The following GBE1 variants were observed in gnomAD, a reference collection of about 807,000 sequenced individuals.
The protein encoded by GBE1 is 1,4-alpha-glucan branching enzyme 1, also known as 1,4-alpha-glucan-branching enzyme.
In GBE1, 70 loss-of-function variants were observed where a neutral mutation model predicts 88.8. That is an observed-to-expected ratio of 0.79 (90% confidence interval 0.65 to 0.96). GBE1 has a LOEUF of 0.96. Among genes scored for constraint, GBE1 ranks in the 40% least tolerant of loss-of-function variants. The pLI, the probability that GBE1 is intolerant of heterozygous loss-of-function variation, is 0.00. For synonymous variants in GBE1, 284 were observed against 300.1 expected (o/e 0.95, Z 0.56); for missense variants, 872 against 871.0 (o/e 1.00, Z -0.01).
chr3:81,556,174 G>A (rs1353873319), intron 12 of GBE1, among the ~76,000 whole-genome samples: 2 of 151,952 alleles, frequency 1.3e-5, no homozygotes, highest in Admixed American at 1.3e-4. Context: ...TAGTGCAGAA[G>A]GAGACTTAAA....
At chr3:81,669,131 T>C (rs1426423822) in intron 3 of GBE1, among the ~76,000 whole-genome samples, 2 of 152,148 alleles carry the variant, frequency 1.3e-5, no homozygotes, top group Non-Finnish European at 2.9e-5. Flanking sequence ...CCACTATGAT[T>C]GGGAACTTTC....
chr3:81,646,409 G>T lies in GBE1; in HGVS notation c.765C>A (p.Ser255Arg). The T allele has an allele frequency of 6.2e-7, 1 of 1,601,182 alleles. No homozygotes were observed. Among genetic ancestry groups the T allele is most frequent in the Non-Finnish European group, 8.5e-7 (1 of 1,173,520 alleles). Residue 255 changes from serine (S) to arginine (R), a missense_variant, in exon 6 of 16, where the codon AGC becomes AGA. Transcript: ENST00000429644. ...GATTTTACCTGGAAGCTGCAAAGAAGCTTGTGATTTGGTAACCAAAGCTGG... is the reference window on the plus strand; with the variant it reads ...GATTTTACCTGGAAGCTGCAAAGAATCTTGTGATTTGGTAACCAAAGCTGG... ...YYASFGYQIT[S>R]FFAASSRYGT...
At chr3:81,577,717 T>C (rs1703667069) in intron 12 of GBE1, among the ~76,000 whole-genome samples, 1 of 152,212 alleles carries the variant, frequency 6.6e-6, no homozygotes, top group Admixed American at 6.5e-5. Context: ...TATCAGCTTT[T>C]AGACTATACT....
intron 2 of GBE1, among the ~76,000 whole-genome samples, chr3:81,697,359 G>A (rs1035484075): frequency 6.6e-6 from 1 of 151,584 alleles, no homozygotes; most frequent in Admixed American, 6.6e-5. Flanking sequence ...GAGTGCAGGG[G>A]TGTGATCTCG....
At chr3:81,541,158 C>T (rs943366188) in intron 12 of GBE1, among the ~76,000 whole-genome samples, 3 of 151,910 alleles carry the variant, frequency 2.0e-5, no homozygotes, top group Non-Finnish European at 2.9e-5. Context: ...AGTATCTTGA[C>T]TTTGTAGTGG....
At chr3:81,737,366 T>TA (rs1706276990) in intron 1 of GBE1, among the ~76,000 whole-genome samples, 2 of 31,590 alleles carry the variant, frequency 6.3e-5, no homozygotes, top group Non-Finnish European at 1.3e-4. Flanking sequence ...TATTTATATA[T>TA]TTATATATAT....
At chr3:81,711,699 A>T (rs937309815) in intron 1 of GBE1, among the ~76,000 whole-genome samples, 4 of 152,134 alleles carry the variant, frequency 2.6e-5, no homozygotes, top group African/African-American at 7.2e-5. Flanking sequence ...AACCATAAAA[A>T]CCCTAGAAGA....
At chr3:81,644,607 G>C (rs1452670367) in intron 6 of GBE1, among the ~76,000 whole-genome samples, 1 of 152,078 alleles carries the variant, frequency 6.6e-6, no homozygotes, top group African/African-American at 2.4e-5. Context: ...AAGGAGACAG[G>C]GATTCATTAC....
chr3:81,536,935 T>C lies in GBE1; in HGVS notation c.1779A>G (p.Arg593=), dbSNP rs751820075. 1 of 1,584,248 alleles carries C rather than the reference T, an allele frequency of 6.3e-7. No individual in the cohort carries two copies. Among genetic ancestry groups the C allele is most frequent in the East Asian group, 2.4e-5 (1 of 42,238 alleles). Reference sequence around the variant, plus strand: ...CCTGTGGAGCTGCAAGCCAACCATATCTTTCTTCCAATCTATTCATATCCC... The same window carrying C: ...CCTGTGGAGCTGCAAGCCAACCATACCTTTCTTCCAATCTATTCATATCCC... ...FDRDMNRLEE[R]YGWLAAPQAY... The change falls in exon 13 of 16, where the codon AGA becomes AGG. Residue 593 remains arginine, a synonymous_variant. Transcript: ENST00000429644.
In GBE1 at chr3:81,607,299, C is replaced by G. The variant is rs1027180541; in HGVS notation, c.993-13276G>C. On this transcript the variant is annotated intron_variant, in intron 7 of 15. Coordinates refer to ENST00000429644, the MANE Select transcript of GBE1 (RefSeq NM_000158.4). Reference sequence around the variant, plus strand: ...GGAGTGGTGGCTCACACCTGTAATCCCAGCACTTTGGGAGGCCAAGGTGGG... The same window carrying G: ...GGAGTGGTGGCTCACACCTGTAATCGCAGCACTTTGGGAGGCCAAGGTGGG... Among the ~76,000 whole-genome samples the G allele has an allele frequency of 1.1e-4, 17 of 152,176 alleles. No homozygotes were observed. The East Asian group carries it at 3.3e-3, about 29-fold the overall frequency.
intron 7 of GBE1, among the ~76,000 whole-genome samples, chr3:81,628,656 G>C (rs997970017): frequency 2.0e-5 from 3 of 148,500 alleles, no homozygotes; most frequent in Non-Finnish European, 3.0e-5. Context: ...CAATTGAACA[G>C]TCTGTTTCAC....
chr3:81,617,999 A>T (rs1453993738), intron 7 of GBE1, among the ~76,000 whole-genome samples: 1 of 151,988 alleles, frequency 6.6e-6, no homozygotes, highest in Non-Finnish European at 1.5e-5. Context: ...ATGTATGTAG[A>T]GTTATTCCTA....
At chr3:81,675,234 C>T (rs560330961) in intron 2 of GBE1, among the ~76,000 whole-genome samples, 3 of 152,034 alleles carry the variant, frequency 2.0e-5, no homozygotes, top group East Asian at 1.9e-4. Context: ...AACTAAAAGG[C>T]TATCAAATAA....
At chr3:81,684,528 G>A (rs763947130) in intron 2 of GBE1, among the ~76,000 whole-genome samples, 1 of 152,020 alleles carries the variant, frequency 6.6e-6, no homozygotes, top group Non-Finnish European at 1.5e-5. Context: ...TCTCTTACAT[G>A]GGCACTAATC....
chr3:81,641,702 T>G (rs933910468), intron 7 of GBE1, among the ~76,000 whole-genome samples: 1 of 151,950 alleles, frequency 6.6e-6, no homozygotes, highest in East Asian at 1.9e-4. Context: ...TATAAAATAA[T>G]GTATGATATC....
intron 1 of GBE1, among the ~76,000 whole-genome samples, chr3:81,754,912 C>G (rs970546364): frequency 6.6e-6 from 1 of 152,202 alleles, no homozygotes; most frequent in East Asian, 1.9e-4. Context: ...GGGCACTGGT[C>G]TCTCACATAA....
intron 6 of GBE1, among the ~76,000 whole-genome samples, 167 bp downstream of exon 6, chr3:81,646,225 T>C (rs1046346139): frequency 3.3e-5 from 5 of 152,184 alleles, no homozygotes; most frequent in Non-Finnish European, 5.9e-5. Flanking sequence ...TTTCTAAGGC[T>C]GGAGGAGAAG....
At chr3:81,514,965 T>A (rs750468493) in intron 14 of GBE1, among the ~76,000 whole-genome samples, 1 of 151,490 alleles carries the variant, frequency 6.6e-6, no homozygotes, top group Non-Finnish European at 1.5e-5. Flanking sequence ...CACACTGGTA[T>A]CAGGTATAAA....
intron 2 of GBE1, among the ~76,000 whole-genome samples, chr3:81,697,064 G>A (rs1271705490): frequency 6.6e-6 from 1 of 152,004 alleles, no homozygotes; most frequent in Non-Finnish European, 1.5e-5. Flanking sequence ...CAGGTTGGGG[G>A]CTCAGTCCCC....
Sources: gnomAD v4.1 joint callset for allele counts (sites outside exome capture counted in the v4.1 genomes callset) on GRCh38, gnomAD v4.1.1 for gene constraint, MANE v1.5 for transcripts, NCBI Gene and HGNC (gene_info 2026-07-23, HGNC 2026-07-21) for gene names.